The following FYB1 variants were observed in gnomAD, a reference collection of about 807,000 sequenced individuals.
FYB1 encodes FYN binding protein 1.
In FYB1, 41 loss-of-function variants were observed where a neutral mutation model predicts 94.1. The observed-to-expected ratio is 0.44, with a 90% CI of 0.34 to 0.57. The LOEUF is 0.57. Ranked by LOEUF, FYB1 falls within the 20% of genes least tolerant of loss-of-function variation. The probability of loss-of-function intolerance (pLI) is 0.02; values close to 1 mark genes in which losing one functional copy is unlikely to be tolerated. For missense variants in FYB1, 1,050 were observed against 976.8 expected (o/e 1.07, Z -1.00); for synonymous variants, 367 against 353.2 (o/e 1.04, Z -0.44).
chr5:39,252,791 T>G (rs1751785256), intron 1 of FYB1, among the ~76,000 whole-genome samples: 2 of 152,210 alleles, frequency 1.3e-5, no homozygotes, highest in Admixed American at 6.5e-5. Flanking sequence ...GATTGGATCT[T>G]TCTGGCTGCT....
chr5:39,182,192 C>T (rs1277809628), intron 2 of FYB1, among the ~76,000 whole-genome samples: 2 of 152,122 alleles, frequency 1.3e-5, no homozygotes, highest in African/African-American at 2.4e-5. Flanking sequence ...CTCCTCACTG[C>T]AACCTCATTC....
chr5:39,246,505 C>A (rs901429613), intron 1 of FYB1, among the ~76,000 whole-genome samples: 3 of 152,176 alleles, frequency 2.0e-5, no homozygotes, highest in Admixed American at 2.0e-4. Flanking sequence ...GCTTCTATCA[C>A]AACTTTTTCC....
intron 7 of FYB1, among the ~76,000 whole-genome samples, chr5:39,136,923 G>C (rs2150322119): frequency 6.6e-6 from 1 of 152,232 alleles, no homozygotes; most frequent in Admixed American, 6.5e-5. Context: ...TGACATGCCA[G>C]ACCCATGCCA....
chr5:39,203,128 C>T, intron 1 of FYB1, 141 bp from the exon 2 acceptor site: 1 of 671,986 alleles, frequency 1.5e-6, no homozygotes, highest in Admixed American at 3.0e-5. Context: ...CATTTATCTT[C>T]CTCTCTGGCA....
At position 39,202,772 on chromosome 5, in the gene FYB1, A is replaced by T. The variant is rs749988564; in HGVS notation, c.189T>A (p.Pro63=). The T allele has an allele frequency of 1.2e-5, 19 of 1,613,970 alleles. No individual in the cohort carries two copies. The Middle Eastern group carries it at 8.2e-4, about 70-fold the overall frequency. The change falls in exon 2 of 19, where the codon CCT becomes CCA. Residue 63 remains proline (P), a synonymous_variant. Coordinates refer to ENST00000512982, the MANE Select transcript of FYB1 (RefSeq NM_001465.6). ...NVPKFGSPKP[P]VAVKPSSEEK... is the part of the protein sequence containing the mutation. ...CCTCAGAAGAAGGTTTGACTGCCACAGGTGGCTTTGGGGACCCAAACTTAG... is the reference window on the plus strand; with the variant it reads ...CCTCAGAAGAAGGTTTGACTGCCACTGGTGGCTTTGGGGACCCAAACTTAG...
At chr5:39,245,727 T>G (rs1321092898) in intron 1 of FYB1, among the ~76,000 whole-genome samples, 1 of 151,914 alleles carries the variant, frequency 6.6e-6, no homozygotes, top group African/African-American at 2.4e-5. Context: ...GCCTCCTGAG[T>G]AGCTGGGATT....
At chr5:39,154,549 C>T (rs909873535) in intron 2 of FYB1, among the ~76,000 whole-genome samples, 4 of 151,020 alleles carry the variant, frequency 2.6e-5, no homozygotes, top group African/African-American at 4.9e-5. Flanking sequence ...CTCTGTCGCC[C>T]AGGCTGGAGT....
At chr5:39,181,097 A>G (rs968787500) in intron 2 of FYB1, among the ~76,000 whole-genome samples, 5 of 152,208 alleles carry the variant, frequency 3.3e-5, no homozygotes, top group African/African-American at 9.7e-5. Flanking sequence ...TATGGAACTC[A>G]TGATACATAT....
chr5:39,250,113 C>T (rs1751652835), intron 1 of FYB1, among the ~76,000 whole-genome samples: 1 of 152,138 alleles, frequency 6.6e-6, no homozygotes, highest in African/African-American at 2.4e-5. Flanking sequence ...TGTAAATTTC[C>T]TGAGGCCTCT....
At chr5:39,116,154 G>A (rs1378311761) in intron 16 of FYB1, among the ~76,000 whole-genome samples, 7 of 152,212 alleles carry the variant, frequency 4.6e-5, no homozygotes, top group South Asian at 4.1e-4. Flanking sequence ...AGACTTTATC[G>A]GCTGCCTTCG....
In FYB1 at chr5:39,119,037, C is replaced by T; in HGVS notation, c.2239-1G>A. 2 of 1,272,010 alleles carry T rather than the reference C, an allele frequency of 1.6e-6. No homozygotes were observed. Among genetic ancestry groups the T allele is most frequent in the Non-Finnish European group, 2.1e-6 (2 of 953,058 alleles). The allele number at this position is 1,272,010 out of a possible 1,614,324, so 78.8% of individuals were successfully genotyped here. On this transcript the variant is annotated splice_acceptor_variant, in intron 15 of 18. Transcript: ENST00000512982. LOFTEE classifies it high-confidence loss of function. Reference sequence around the variant, plus strand: ...ATAGGACTCTAATTTCACCATCATACTAAAAAAAAAAGAACAATATTTAAA... The same window carrying T: ...ATAGGACTCTAATTTCACCATCATATTAAAAAAAAAAGAACAATATTTAAA...
At chr5:39,209,789 T>C (rs988232808) in intron 1 of FYB1, among the ~76,000 whole-genome samples, 2 of 152,216 alleles carry the variant, frequency 1.3e-5, no homozygotes, top group African/African-American at 2.4e-5. Context: ...CTTTCCATAA[T>C]ATGCATTGAA....
intron 3 of FYB1, among the ~76,000 whole-genome samples, chr5:39,146,376 T>G (rs67397404): frequency 5.9e-5 from 9 of 151,986 alleles, no homozygotes; most frequent in African/African-American, 2.2e-4. Context: ...TGCTTCAGGT[T>G]TCTCTTTTCA....
At chr5:39,174,873 G>A (rs1248812064) in intron 2 of FYB1, among the ~76,000 whole-genome samples, 3 of 152,184 alleles carry the variant, frequency 2.0e-5, no homozygotes, top group Non-Finnish European at 4.4e-5. Context: ...AAGAGACTAG[G>A]CAAAATGCAA....
Position 39,119,044 on chromosome 5 carries a change from A to T in FYB1, c.2239-8T>A. The stretch of plus-strand genomic sequence containing the variant: ...TCTAATTTCACCATCATACTAAAAA[A>T]AAAAGAACAATATTTAAATTATTGG... On this transcript the variant is annotated splice_polypyrimidine_tract_variant and splice_region_variant and intron_variant, in intron 15 of 18. Coordinates refer to ENST00000512982, the MANE Select transcript of FYB1 (RefSeq NM_001465.6). 1.6e-6 allele frequency: 2 copies of T among 1,241,562 alleles called. No individual in the cohort carries two copies. Among genetic ancestry groups the T allele is most frequent in the Non-Finnish European group, 2.2e-6 (2 of 925,288 alleles). 76.9% of individuals were successfully genotyped at this position (1,241,562 alleles called of 1,614,324 possible).
At chr5:39,272,792 A>G (rs1454585771) in intron 1 of FYB1, among the ~76,000 whole-genome samples, 1 of 152,164 alleles carries the variant, frequency 6.6e-6, no homozygotes, top group Admixed American at 6.5e-5. Flanking sequence ...TTCAGTTAAC[A>G]GTGTAATTTA....
At chr5:39,108,071 TC>T (rs546273138) in intron 18 of FYB1, among the ~76,000 whole-genome samples, 159 bp downstream of exon 18, 1 of 151,900 alleles carries the variant, frequency 6.6e-6, no homozygotes. Flanking sequence ...TGCGGTATTT[TC>T]CCCCCATTAT....
chr5:39,247,889 TTTTTG>T lies in FYB1; in HGVS notation c.-28+26509_-28+26513del, dbSNP rs59562725. Among the ~76,000 whole-genome samples, 4 of 149,362 alleles carry T rather than the reference TTTTTG, an allele frequency of 2.7e-5. No homozygotes were observed. In the East Asian group the frequency reaches 7.9e-4, roughly 30 times the overall value. On this transcript the variant is annotated intron_variant, in intron 1 of 1. Transcript: ENST00000510188. ...TCTTGGCTTTGGGCTTACTTTCTTG[TTTTTG>T]TTTTGTTTTGTTTTGTTTTGTTTTC...
intron 1 of FYB1, among the ~76,000 whole-genome samples, chr5:39,252,014 G>C (rs545511859): frequency 6.6e-6 from 1 of 152,120 alleles, no homozygotes; most frequent in African/African-American, 2.4e-5. Flanking sequence ...GAGTGGTGGC[G>C]GGCGCCTGTA....
Sources: allele counts gnomAD v4.1 joint callset (sites outside exome capture counted in the v4.1 genomes callset), GRCh38; gene constraint gnomAD v4.1.1; transcripts MANE v1.5; gene names NCBI Gene and HGNC (gene_info 2026-07-23, HGNC 2026-07-21).